The following PDPN variants were observed in gnomAD, a reference collection of about 807,000 sequenced individuals.
PDPN encodes podoplanin, also known as PA2.26 antigen.
PDPN carries 12 observed loss-of-function variants against 23.2 expected under a neutral mutation model. That is an observed-to-expected ratio of 0.52 (90% CI 0.33 to 0.84). The LOEUF (loss-of-function observed/expected upper bound fraction) is 0.84, where lower values mean the gene tolerates loss of function less well. Among genes scored for constraint, PDPN ranks in the 40% least tolerant of loss-of-function variants. PDPN has a pLI of 0.02. For missense variants in PDPN, 199 were observed against 212.2 expected (o/e 0.94, Z 0.39); for synonymous variants, 77 against 76.7 (o/e 1.00, Z -0.02).
chr1:13,585,089 C>T (rs1462352544), intron 1 of PDPN, among the ~76,000 whole-genome samples: 1 of 152,196 alleles, frequency 6.6e-6, no homozygotes, highest in East Asian at 1.9e-4. Flanking sequence ...TAGTTGCTCA[C>T]TAAATGTTGG....
chr1:13,592,543 A>ATTTTTT (rs34176163), intron 1 of PDPN, among the ~76,000 whole-genome samples: 1 of 105,062 alleles, frequency 9.5e-6, no homozygotes, highest in Non-Finnish European at 1.9e-5. Context: ...TGAAAAGATG[A>ATTTTTT]TTTTTTTTTT....
chr1:13,584,404 A>G, intron 1 of PDPN: 4 of 1,168,596 alleles, frequency 3.4e-6, no homozygotes, highest in Non-Finnish European at 4.7e-6. Context: ...TGGAAGGTTC[A>G]CAGTAGGCAG....
intron 1 of PDPN, among the ~76,000 whole-genome samples, chr1:13,588,505 T>G (rs1640240845): frequency 6.6e-6 from 1 of 151,008 alleles, no homozygotes; most frequent in African/African-American, 2.4e-5. Flanking sequence ...AGGAGAAGAA[T>G]GAGAATTTGT....
In PDPN at chr1:13,616,139, T is replaced by TCTA. The variant is rs1459711425; in HGVS notation, c.*229_*231dup. On this transcript the variant is annotated 3_prime_UTR_variant, in exon 6 of 6. Transcript: ENST00000621990. ...TTCAAACATGTTTTTGAATATACAT[T>TCTA]CTATAAAAGATTATTTGAAAGACAA... The TCTA allele has an allele frequency of 1.7e-6, 1 of 575,636 alleles. No individual in the cohort carries two copies. Among genetic ancestry groups the TCTA allele is most frequent in the Admixed American group, 3.3e-5 (1 of 30,288 alleles). The allele number at this position is 575,636 out of a possible 1,614,324, so 35.7% of individuals were successfully genotyped here.
chr1:13,591,469 G>GC, intron 1 of PDPN, among the ~76,000 whole-genome samples: 1 of 151,906 alleles, frequency 6.6e-6, no homozygotes, highest in Non-Finnish European at 1.5e-5. Context: ...TTTTCATCAC[G>GC]CCCCTTCCCC....
chr1:13,613,835 G>A (rs968817271), intron 4 of PDPN, 110 bp downstream of exon 4: 13 of 547,948 alleles, frequency 2.4e-5, no homozygotes, highest in Non-Finnish European at 4.4e-5. Context: ...GTCAATGAGA[G>A]CAGAATAGAA....
chr1:13,612,882 T>TCTCC lies in PDPN; in HGVS notation c.332-805_332-804insCTCC, dbSNP rs1234432333. On this transcript the variant is annotated intron_variant, in intron 3 of 5. Coordinates refer to ENST00000621990, the MANE Select transcript of PDPN (RefSeq NM_006474.5). ...TTTAGGGCAGGGCCTGATTGATGATTAACTTCTAAATCAAGGCATCTTGAC... is the reference window on the plus strand; with the variant it reads ...TTTAGGGCAGGGCCTGATTGATGATTCTCCAACTTCTAAATCAAGGCATCTTGAC... Among the ~76,000 whole-genome samples, 22 of 57,686 alleles carry TCTCC rather than the reference T, an allele frequency of 3.8e-4. No homozygotes were observed. In the East Asian group the frequency reaches 0.013, roughly 35 times the overall value. The allele number at this position is 57,686 out of a possible 152,430, so 37.8% of individuals were successfully genotyped here.
At position 13,583,921 on chromosome 1, in the gene PDPN, C is replaced by T. The variant is rs1018449481; in HGVS notation, c.-113C>T. Reference sequence around the variant, plus strand: ...GCTCCTGCTCCCACCCCTCCGGCCCCCCCACCGTCGCGCTCCTCCAGGCTG... The same window carrying T: ...GCTCCTGCTCCCACCCCTCCGGCCCTCCCACCGTCGCGCTCCTCCAGGCTG... On this transcript the variant is annotated 5_prime_UTR_variant, in exon 1 of 6. Transcript: ENST00000621990. 15 of 1,612,770 alleles carry T rather than the reference C, an allele frequency of 9.3e-6. No individual in the cohort carries two copies. The highest frequency in any genetic ancestry group is 1.7e-4 in the Middle Eastern group (1 of 6,058).
rs948562498 is a variant in PDPN at position 13,610,971 on chromosome 1, G to C, written c.331+455G>C. ...GCGCGGTGGCTCACGCCTATAATCC[G>C]AGCACTTTGGGAGGCTGAGGCGGGC... On this transcript the variant is annotated intron_variant, in intron 3 of 5. Transcript: ENST00000621990. 8.5e-5 allele frequency among the ~76,000 whole-genome samples: 13 copies of C among 152,296 alleles called. No individual in the cohort carries two copies. The East Asian group carries it at 2.3e-3, about 27-fold the overall frequency.
intron 1 of PDPN, among the ~76,000 whole-genome samples, chr1:13,602,941 G>T (rs1640684403): frequency 6.6e-6 from 1 of 152,066 alleles, no homozygotes; most frequent in African/African-American, 2.4e-5. Context: ...CACTTTGCAA[G>T]GCTGAGGTGG....
intron 2 of PDPN, among the ~76,000 whole-genome samples, chr1:13,609,065 A>C (rs946488176): frequency 6.6e-6 from 1 of 152,192 alleles, no homozygotes; most frequent in African/African-American, 2.4e-5. Flanking sequence ...TTATTGGAAC[A>C]CAGCAATGCC....
At chr1:13,596,170 G>T (rs1409137437) in intron 1 of PDPN, among the ~76,000 whole-genome samples, 1 of 148,220 alleles carries the variant, frequency 6.7e-6, no homozygotes, top group Admixed American at 6.8e-5. Flanking sequence ...CTGCACTCTA[G>T]CCTGGGTGAC....
At chr1:13,591,221 T>G (rs541251225) in intron 1 of PDPN, among the ~76,000 whole-genome samples, 1 of 152,274 alleles carries the variant, frequency 6.6e-6, no homozygotes, top group South Asian at 2.1e-4. Context: ...ATTACAGGCG[T>G]GAGCCACCAT....
chr1:13,595,548 GGATTTCTCCT>G (rs1299696581), intron 1 of PDPN, among the ~76,000 whole-genome samples: 4 of 152,168 alleles, frequency 2.6e-5, no homozygotes, highest in Non-Finnish European at 5.9e-5. Flanking sequence ...TTCACGTGCT[GGATTTCTCCT>G]GATTTCTCCA....
intron 1 of PDPN, among the ~76,000 whole-genome samples, chr1:13,602,670 C>T (rs180882259): frequency 2.0e-5 from 3 of 152,238 alleles, no homozygotes; most frequent in African/African-American, 7.2e-5. Flanking sequence ...TCAAGTGATT[C>T]TCCCGCCTCA....
At position 13,616,124 on chromosome 1, in the gene PDPN, T is replaced by G; in HGVS notation, c.*213T>G. The G allele has an allele frequency of 1.7e-6, 1 of 590,508 alleles. No homozygotes were observed. Among genetic ancestry groups the G allele is most frequent in the Non-Finnish European group, 3.0e-6 (1 of 328,614 alleles). The allele number at this position is 590,508 out of a possible 1,614,324, so 36.6% of individuals were successfully genotyped here. On this transcript the variant is annotated 3_prime_UTR_variant, in exon 6 of 6. Transcript: ENST00000621990. ...TCTAAACATTTGCTGTTCAAACATG[T>G]TTTTGAATATACATTCTATAAAAGA...
chr1:13,596,580 G>A (rs1471704490), intron 1 of PDPN, among the ~76,000 whole-genome samples: 2 of 152,218 alleles, frequency 1.3e-5, no homozygotes, highest in Non-Finnish European at 2.9e-5. Flanking sequence ...GGGTTAGGGA[G>A]TGGCTTTCTT....
intron 1 of PDPN, chr1:13,584,431 C>A (rs1311629385): frequency 4.4e-6 from 4 of 912,608 alleles, no homozygotes; most frequent in African/African-American, 1.7e-5. Context: ...TTGCTGGCAG[C>A]AGTGGCTGGG....
At position 13,616,004 on chromosome 1, in the gene PDPN, C is replaced by G; in HGVS notation, c.*93C>G. The G allele has an allele frequency of 8.2e-7, 1 of 1,215,274 alleles. No homozygotes were observed. Among genetic ancestry groups the G allele is most frequent in the East Asian group, 2.3e-5 (1 of 43,006 alleles). The allele number at this position is 1,215,274 out of a possible 1,614,324, so 75.3% of individuals were successfully genotyped here. ...TCCCTGAGCTCGTGGGAGAAGATGA[C>G]CCGTGGAACACTTGCCTGGCCCACT... On this transcript the variant is annotated 3_prime_UTR_variant, in exon 6 of 6. Coordinates refer to ENST00000621990, the MANE Select transcript of PDPN (RefSeq NM_006474.5).
Sources: allele counts gnomAD v4.1 joint callset (sites outside exome capture counted in the v4.1 genomes callset), GRCh38; gene constraint gnomAD v4.1.1; transcripts MANE v1.5; gene names NCBI Gene and HGNC (gene_info 2026-07-23, HGNC 2026-07-21).